Variants in C17orf99 observed in about 807,000 individuals in gnomAD.
C17orf99 encodes the protein protein IL-40.
In C17orf99, 18 loss-of-function variants were observed where a neutral mutation model predicts 22.6. The ratio of observed to expected loss-of-function variants is 0.80; its 90% CI spans 0.55 to 1.18. C17orf99 has a LOEUF of 1.18. Among genes scored for constraint, C17orf99 ranks in the 50% most tolerant of loss-of-function variants. C17orf99 has a pLI of 0.00. For missense variants in C17orf99, 328 were observed against 342.7 expected (o/e 0.96, Z 0.34); for synonymous variants, 147 against 136.6 (o/e 1.08, Z -0.53).
At chr17:78,150,426 G>C (rs373186219) in intron 2 of C17orf99, among the ~76,000 whole-genome samples, 1 of 152,164 alleles carries the variant, frequency 6.6e-6, no homozygotes, top group East Asian at 1.9e-4. Context: ...TTACAGGTAT[G>C]AGCCACTGTG....
intron 3 of C17orf99, among the ~76,000 whole-genome samples, chr17:78,163,499 T>G (rs2075593421): frequency 6.6e-6 from 1 of 152,238 alleles, no homozygotes; most frequent in Non-Finnish European, 1.5e-5. Flanking sequence ...AAAAGATTAT[T>G]CATTGTTTAT....
intron 2 of C17orf99, among the ~76,000 whole-genome samples, chr17:78,147,260 C>A (rs1481134431): frequency 6.6e-6 from 1 of 152,226 alleles, no homozygotes. Flanking sequence ...CCCCCTGAGA[C>A]CCTCACAGCT....
chr17:78,165,688 G>A, intron 4 of C17orf99: 1 of 936,576 alleles, frequency 1.1e-6, no homozygotes, highest in Non-Finnish European at 1.4e-6. Flanking sequence ...TGTAGTCCCA[G>A]CTACTCGGGA....
chr17:78,146,352 G>T, upstream of C17orf99: 1 of 1,520,806 alleles, frequency 6.6e-7, no homozygotes, highest in Non-Finnish European at 8.9e-7. This position sits in a 1 kb window ranked among gnomAD's most constrained non-coding sequence, Gnocchi z 5.2. Flanking sequence ...GGGTGGGGGA[G>T]GCCAGGAACT....
At chr17:78,158,705 C>G (rs541368509) in intron 2 of C17orf99, 1 of 166,620 alleles carries the variant, frequency 6.0e-6, no homozygotes, top group Non-Finnish European at 1.5e-5. Flanking sequence ...CAAGCGAAGC[C>G]GTGGCTTTGG....
intron 2 of C17orf99, among the ~76,000 whole-genome samples, chr17:78,159,591 CA>C (rs58887528): frequency 4.8e-4 from 68 of 140,634 alleles, no homozygotes; most frequent in Non-Finnish European, 5.7e-4. Flanking sequence ...GACTCTGTCT[CA>C]AAAAAAAAAA....
Position 78,164,331 on chromosome 17 carries a change from G to A in C17orf99, c.607G>A (p.Val203Ile), listed in dbSNP as rs1258432824. ...GTGCCAGGCTGCAAACAACGCCAAT[G>A]TCCAGCACAGCGCCCTCACAGTGGT... ...FWCQAANNAN[V>I]QHSALTVVPP... The change falls in exon 4 of 5, where the codon GTC becomes ATC. Residue 203 changes from valine to isoleucine, a missense_variant. Physicochemically the swap from Val to Ile is conservative, Grantham distance 29. Coordinates refer to ENST00000340363, the MANE Select transcript of C17orf99 (RefSeq NM_001163075.2). The A allele has an allele frequency of 3.2e-6, 5 of 1,551,582 alleles. No individual in the cohort carries two copies. In the Admixed American group the frequency reaches 5.9e-5, roughly 18 times the overall value.
intron 3 of C17orf99, among the ~76,000 whole-genome samples, chr17:78,161,665 G>A (rs2075577772): frequency 6.6e-6 from 1 of 151,960 alleles, no homozygotes; most frequent in Non-Finnish European, 1.5e-5. Context: ...GCAACATGGC[G>A]AAACCCTGTT....
At position 78,158,881 on chromosome 17, in the gene C17orf99, TC is replaced by T. The variant is rs1487257169; in HGVS notation, c.71-2071del. ...ATGGTCCTTGTGCCCTCCCCACTCA[TC>T]CCTGGTCTGGTCCCCTGTTACCCAT... On this transcript the variant is annotated intron_variant, in intron 2 of 4. Coordinates refer to ENST00000340363, the MANE Select transcript of C17orf99 (RefSeq NM_001163075.2). 6.2e-5 allele frequency: 10 copies of T among 162,092 alleles called. No homozygotes were observed. The East Asian group carries it at 1.9e-3, about 31-fold the overall frequency. The allele number at this position is 162,092 out of a possible 1,614,324, so 10.0% of individuals were successfully genotyped here. A position where few individuals can be genotyped will look rare whatever the true frequency, so the allele number is the denominator to read the frequency against.
chr17:78,161,041 C>T lies in C17orf99; in HGVS notation c.157C>T (p.Gln53Ter). The T allele has an allele frequency of 3.9e-6, 6 of 1,551,668 alleles. No individual in the cohort carries two copies. The highest frequency in any genetic ancestry group is 5.2e-6 in the Non-Finnish European group (6 of 1,146,950). ...RWVLITCCAP[Q>*]PPPPITYSLC... ...GGTGCTCATAACCTGCTGTGCACCC[C>T]AGCCACCACCGCCCATCACCTATTC... The change falls in exon 3 of 5, where the codon CAG (glutamine) becomes TAG (stop). Residue 53 changes from glutamine (Q) to a stop codon, truncating the protein, a stop_gained. Transcript: ENST00000340363. LOFTEE classifies it high-confidence loss of function.
rs1448218756 is a variant in C17orf99, at chr17:78,159,991, C to T, written c.71-964C>T. On this transcript the variant is annotated intron_variant, in intron 2 of 4. Transcript: ENST00000340363. ...CATTGATAGATATTTGGGCCGTTTCCACCATTTGGCTGTGGTGAATCACGC... is the reference window on the plus strand; with the variant it reads ...CATTGATAGATATTTGGGCCGTTTCTACCATTTGGCTGTGGTGAATCACGC... The T allele has an allele frequency of 6.7e-6, 3 of 444,694 alleles. No homozygotes were observed. In the Admixed American group the frequency reaches 7.6e-5, roughly 11 times the overall value. The allele number at this position is 444,694 out of a possible 1,614,324, so 27.5% of individuals were successfully genotyped here.
rs200150832 is a variant in C17orf99 at position 78,161,106 on chromosome 17, G to T, written c.222G>T (p.Val74=). Residue 74 remains valine, a synonymous_variant, in exon 3 of 5, where the codon GTG becomes GTT. Coordinates refer to ENST00000340363, the MANE Select transcript of C17orf99 (RefSeq NM_001163075.2). Reference sequence around the variant, plus strand: ...AGAACATCAAGGTGGCCAAGAAGGTGGTGAAGACCCACGAGCCGGCCTCCT... The same window carrying T: ...AGAACATCAAGGTGGCCAAGAAGGTTGTGAAGACCCACGAGCCGGCCTCCT... ...GTKNIKVAKK[V]VKTHEPASFN... 9.1e-5 allele frequency: 141 copies of T among 1,551,606 alleles called. 2 individuals are homozygous for T. The highest frequency in any genetic ancestry group is 2.0e-5 in the Non-Finnish European group (23 of 1,147,012).
chr17:78,149,463 G>A (rs1208413471), intron 2 of C17orf99, among the ~76,000 whole-genome samples: 2 of 152,024 alleles, frequency 1.3e-5, no homozygotes, highest in Non-Finnish European at 2.9e-5. Flanking sequence ...GTGGAAAGCT[G>A]GGTACACGTG....
intron 2 of C17orf99, chr17:78,158,294 C>T: frequency 2.3e-6 from 1 of 430,404 alleles, no homozygotes; most frequent in South Asian, 2.0e-5. Context: ...TGGACTCCTC[C>T]TACACATTTT....
Position 78,154,163 on chromosome 17 carries a change from C to T in C17orf99, c.71-6792C>T, listed in dbSNP as rs561663526. 1.9e-4 allele frequency among the ~76,000 whole-genome samples: 29 copies of T among 151,764 alleles called. No homozygotes were observed. The South Asian group carries it at 5.8e-3, about 30-fold the overall frequency. On this transcript the variant is annotated intron_variant, in intron 2 of 4. Coordinates refer to ENST00000340363, the MANE Select transcript of C17orf99 (RefSeq NM_001163075.2). Reference sequence around the variant, plus strand: ...CTGGCTTTGAACTCCTGGCCTCAAACGATTCACCCTCTCAGCCTCCCAAAG... The same window carrying T: ...CTGGCTTTGAACTCCTGGCCTCAAATGATTCACCCTCTCAGCCTCCCAAAG...
Position 78,164,251 on chromosome 17 carries a change from A to G in C17orf99, c.527A>G (p.His176Arg). ...GTCCACCTGCAGCAGAGACCATGCC[A>G]CAGGCAGCCTGCCAACTTCTCCTTC... ...GQVHLQQRPC[H>R]RQPANFSFLP... Residue 176 changes from histidine to arginine, a missense_variant, in exon 4 of 5, where the codon CAC (histidine) becomes CGC (arginine). Transcript: ENST00000340363. The G allele has an allele frequency of 6.4e-7, 1 of 1,551,540 alleles. No individual in the cohort carries two copies. The highest frequency in any genetic ancestry group is 2.4e-5 in the East Asian group (1 of 40,926).
chr17:78,160,639 T>TG, intron 2 of C17orf99: 1 of 378,674 alleles, frequency 2.6e-6, no homozygotes, highest in East Asian at 5.8e-5. Flanking sequence ...TGCAGTGGTG[T>TG]GATCTCGGCT....
Position 78,164,131 on chromosome 17 carries a change from A to C in C17orf99, c.407A>C (p.Gln136Pro). ...VSELRANFTL[Q>P]DRGAGPRVEM... ...GAGCTGCGGGCCAACTTCACTCTGC[A>C]GGACAGAGGGGCAGGCCCCAGGGTG... Residue 136 changes from glutamine (Q) to proline (P), a missense_variant, in exon 4 of 5, where the codon CAG becomes CCG. Coordinates refer to ENST00000340363, the MANE Select transcript of C17orf99 (RefSeq NM_001163075.2). The C allele has an allele frequency of 1.3e-6, 2 of 1,551,728 alleles. No individual in the cohort carries two copies. The highest frequency in any genetic ancestry group is 2.4e-5 in the South Asian group (2 of 84,070).
Position 78,165,890 on chromosome 17 carries a change from T to A in C17orf99, c.642T>A (p.Gly214=), listed in dbSNP as rs1203576684. The A allele has an allele frequency of 1.5e-6, 2 of 1,343,704 alleles. No homozygotes were observed. Among genetic ancestry groups the A allele is most frequent in the South Asian group, 4.2e-5 (2 of 48,146 alleles). The allele number at this position is 1,343,704 out of a possible 1,614,324, so 83.2% of individuals were successfully genotyped here. ...QHSALTVVPP[G]GDQKMEDWQG... ...TTGAGTCTCCACTGCTTTGTCAAGG[T>A]GGTGACCAGAAGATGGAGGACTGGC... Residue 214 remains glycine (G), a splice_region_variant and synonymous_variant, in exon 5 of 5, where the codon GGT becomes GGA. Coordinates refer to ENST00000340363, the MANE Select transcript of C17orf99 (RefSeq NM_001163075.2).
Sources: allele counts gnomAD v4.1 joint callset (sites outside exome capture counted in the v4.1 genomes callset), GRCh38; gene constraint gnomAD v4.1.1; non-coding constraint Gnocchi (gnomAD v3.1); transcripts MANE v1.5; gene names NCBI Gene and HGNC (gene_info 2026-07-23, HGNC 2026-07-21).